ADAMTS14: variants seen among roughly 807,000 people sequenced by gnomAD.
The protein encoded by ADAMTS14 is A disintegrin and metalloproteinase with thrombospondin motifs 14.
In ADAMTS14, 100 loss-of-function variants were observed where a neutral mutation model predicts 128.6. The ratio of observed to expected loss-of-function variants is 0.78; its 90% CI spans 0.66 to 0.92. ADAMTS14 has a LOEUF of 0.92. ADAMTS14 is among the 40% of genes least tolerant of loss of function. The pLI is 0.00. For missense variants in ADAMTS14, 1,562 were observed against 1,658.6 expected, an observed-to-expected ratio of 0.94 and a Z score of 1.01; for synonymous variants, 665 against 653.8, an observed-to-expected ratio of 1.02 and a Z score of -0.26.
In ADAMTS14 at chr10:70,674,774, G is replaced by A. The variant is rs1026831167; in HGVS notation, c.301G>A (p.Val101Met). ...AGGAGGGACCCTGTGGCCTGGCAGG[G>A]TGGGGCGCCACTCCCTCTACTTCAA... Reference protein sequence around the residue: ...HPGGTLWPGRVGRHSLYFNVT... With the variant: ...HPGGTLWPGRMGRHSLYFNVT... The change falls in exon 2 of 22, where the codon GTG (valine) becomes ATG (methionine). Residue 101 changes from valine to methionine, a missense_variant. Physicochemically the swap from Val to Met is conservative, Grantham distance 21. Transcript: ENST00000373207. The A allele has an allele frequency of 3.1e-6, 5 of 1,613,450 alleles. No individual in the cohort carries two copies. In the Admixed American group the frequency reaches 6.7e-5, roughly 22 times the overall value.
chr10:70,727,646 G>A (rs886839010), intron 4 of ADAMTS14, among the ~76,000 whole-genome samples: 2 of 152,178 alleles, frequency 1.3e-5, no homozygotes, highest in Admixed American at 6.6e-5. Flanking sequence ...CCATGCTGGT[G>A]GCATCACATC....
At position 70,743,532 on chromosome 10, in the gene ADAMTS14, G is replaced by A. The variant is rs769363076; in HGVS notation, c.1925-16G>A. 1.2e-5 allele frequency: 19 copies of A among 1,610,666 alleles called. No homozygotes were observed. In the East Asian group the frequency reaches 4.0e-4, roughly 34 times the overall value. On this transcript the variant is annotated splice_polypyrimidine_tract_variant and intron_variant, in intron 12 of 21. Transcript: ENST00000373207. ...TGAGCCCAGCTGGGGACTCAGCATA[G>A]TCCCTCTCCCTACAGACGCCCAGAA...
chr10:70,674,143 CA>C (rs796911665), intron 1 of ADAMTS14, among the ~76,000 whole-genome samples: 41 of 152,304 alleles, frequency 2.7e-4, no homozygotes, highest in African/African-American at 9.6e-4. Context: ...GGCACTACCC[CA>C]GCCTGGGCTG....
rs757371065 is a variant in ADAMTS14, at chr10:70,741,161, T to G, written c.1923T>G (p.Asp641Glu). The G allele has an allele frequency of 1.2e-6, 2 of 1,612,124 alleles. No individual in the cohort carries two copies. The highest frequency in any genetic ancestry group is 2.2e-5 in the South Asian group (2 of 91,066). ...KHSWVPYEPD[D>E]DAQKCELICQ... ...GCTGGGTGCCCTACGAGCCTGACGA[T>G]GGTGAGTGGGCCCCACCCCCCTCCC... The change falls in exon 12 of 22, where the codon GAT becomes GAG. Residue 641 changes from aspartate (D) to glutamate (E), a missense_variant and splice_region_variant. Asp to Glu is a conservative substitution (Grantham distance 45). Transcript: ENST00000373207.
chr10:70,711,948 T>A (rs562834401), intron 4 of ADAMTS14, among the ~76,000 whole-genome samples: 25 of 152,260 alleles, frequency 1.6e-4, no homozygotes, highest in African/African-American at 5.8e-4. Context: ...CTAGAAAGTC[T>A]GTCCCTGGCC....
chr10:70,709,317 A>G (rs1840764516), intron 4 of ADAMTS14, among the ~76,000 whole-genome samples: 1 of 152,192 alleles, frequency 6.6e-6, no homozygotes, highest in Non-Finnish European at 1.5e-5. Flanking sequence ...CTAAGACTGC[A>G]TTGAAGCAGA....
At chr10:70,743,412 C>A in intron 12 of ADAMTS14, 136 bp from the exon 13 acceptor site, 2 of 1,029,130 alleles carry the variant, frequency 1.9e-6, no homozygotes, top group South Asian at 2.4e-5. Flanking sequence ...GATTTTCAGC[C>A]CCCGTGCCAC....
intron 6 of ADAMTS14, among the ~76,000 whole-genome samples, chr10:70,731,224 C>A (rs1001261356): frequency 6.6e-6 from 1 of 152,080 alleles, no homozygotes; most frequent in Admixed American, 6.5e-5. Flanking sequence ...AGAGACACTG[C>A]ATACATGTAG....
In ADAMTS14 at chr10:70,753,812, G is replaced by A; in HGVS notation, c.2742G>A (p.Glu914=). The change falls in exon 19 of 22, where the codon GAG becomes GAA. Residue 914 remains glutamate, a synonymous_variant. Transcript: ENST00000373207. ...ACCCTGTTTCCAGGTGGGTGACGGA[G>A]GAGTGGGGTGCCTGCAGCCGGAGCT... ...HPCSQPVWVT[E]EWGACSRSCG... is the part of the protein sequence containing the mutation. 1 of 1,582,506 alleles carries A rather than the reference G, an allele frequency of 6.3e-7. No individual in the cohort carries two copies. Among genetic ancestry groups the A allele is most frequent in the South Asian group, 1.2e-5 (1 of 85,996 alleles).
Position 70,689,902 on chromosome 10 carries a change from C to T in ADAMTS14, c.523-12410C>T, listed in dbSNP as rs1042836324. On this transcript the variant is annotated intron_variant, in intron 2 of 21. Coordinates refer to ENST00000373207, the MANE Select transcript of ADAMTS14 (RefSeq NM_080722.4). ...TTTCACTCAAATGTCACCTTCAGAG[C>T]GACGTCCTCCCTGGCAACCTTATTC... 1.1e-4 allele frequency among the ~76,000 whole-genome samples: 16 copies of T among 145,206 alleles called. 3 individuals carry two copies. Among genetic ancestry groups the T allele is most frequent in the Admixed American group, 7.5e-4 (11 of 14,620 alleles).
intron 11 of ADAMTS14, 65 bp downstream of exon 11, chr10:70,739,055 G>T: frequency 3.3e-6 from 5 of 1,536,566 alleles, no homozygotes; most frequent in Non-Finnish European, 3.5e-6. Flanking sequence ...GGGCTTGGAG[G>T]GGAAGGCACT....
intron 4 of ADAMTS14, 50 bp downstream of exon 4, chr10:70,708,828 C>G (rs117280157): frequency 0.11 from 94,976 of 828,584 alleles, 13,385 homozygotes; most frequent in South Asian, 0.21. Flanking sequence ...TGGGGTGGGC[C>G]CCACCCCACC....
chr10:70,685,444 C>T (rs1200503708), intron 2 of ADAMTS14, among the ~76,000 whole-genome samples: 2 of 152,236 alleles, frequency 1.3e-5, no homozygotes, highest in African/African-American at 2.4e-5. Flanking sequence ...CTGCATGGAT[C>T]CCAGCTCAGC....
At chr10:70,685,824 G>A (rs1836334106) in intron 2 of ADAMTS14, among the ~76,000 whole-genome samples, 1 of 152,172 alleles carries the variant, frequency 6.6e-6, no homozygotes, top group South Asian at 2.1e-4. Context: ...GGTGGTGGGA[G>A]GTGAAGGGGC....
intron 2 of ADAMTS14, among the ~76,000 whole-genome samples, chr10:70,682,444 T>C (rs962147017): frequency 1.3e-5 from 2 of 152,046 alleles, no homozygotes; most frequent in African/African-American, 2.4e-5. Flanking sequence ...GGGGGGTGAG[T>C]GTGACCCTGG....
At position 70,761,122 on chromosome 10, in the gene ADAMTS14, C is replaced by A; in HGVS notation, c.*269C>A. 2.4e-6 allele frequency: 1 copy of A among 422,116 alleles called. No homozygotes were observed. The highest frequency in any genetic ancestry group is 4.2e-6 in the Non-Finnish European group (1 of 240,076). The allele number at this position is 422,116 out of a possible 1,614,324, so 26.1% of individuals were successfully genotyped here. On this transcript the variant is annotated 3_prime_UTR_variant, in exon 22 of 22. Coordinates refer to ENST00000373207, the MANE Select transcript of ADAMTS14 (RefSeq NM_080722.4). Reference sequence around the variant, plus strand: ...CAGGGCCCCTGTTGGTCTCCCCTGCCAAGACCAGGGTCAACTATTGCTCCC... The same window carrying A: ...CAGGGCCCCTGTTGGTCTCCCCTGCAAAGACCAGGGTCAACTATTGCTCCC...
chr10:70,722,078 G>A (rs1273200229), intron 4 of ADAMTS14, among the ~76,000 whole-genome samples: 1 of 152,196 alleles, frequency 6.6e-6, no homozygotes, highest in East Asian at 1.9e-4. Context: ...AATGACAGAG[G>A]CTCTTGCTTG....
At position 70,762,293 on chromosome 10, in the gene ADAMTS14, C is replaced by G. The variant is rs1466732701; in HGVS notation, c.*1440C>G. On this transcript the variant is annotated 3_prime_UTR_variant, in exon 22 of 22. Coordinates refer to ENST00000373207, the MANE Select transcript of ADAMTS14 (RefSeq NM_080722.4). Reference sequence around the variant, plus strand: ...GGTCCTGGGGGGCTCCCCGCCCTCCCCCTGTTGCCCTCCCCTCCCTGGGAT... The same window carrying G: ...GGTCCTGGGGGGCTCCCCGCCCTCCGCCTGTTGCCCTCCCCTCCCTGGGAT... The G allele has an allele frequency of 2.0e-5, 3 of 152,318 alleles. No individual in the cohort carries two copies. The highest frequency in any genetic ancestry group is 4.8e-5 in the African/African-American group (2 of 41,474). 9.4% of individuals were successfully genotyped at this position (152,318 alleles called of 1,614,324 possible).
chr10:70,699,898 C>G (rs1414786099), intron 2 of ADAMTS14, among the ~76,000 whole-genome samples: 1 of 152,044 alleles, frequency 6.6e-6, no homozygotes, highest in African/African-American at 2.4e-5. Context: ...CGGTGCAGGC[C>G]ACTGCCCTGG....
Sources: allele counts gnomAD v4.1 joint callset (sites outside exome capture counted in the v4.1 genomes callset), GRCh38; gene constraint gnomAD v4.1.1; transcripts MANE v1.5; gene names NCBI Gene and HGNC (gene_info 2026-07-23, HGNC 2026-07-21).